MIA2: variants seen among roughly 807,000 people sequenced by gnomAD.
MIA2 encodes the protein melanoma inhibitory activity protein 2.
A neutral mutation model predicts 167.8 loss-of-function variants in MIA2; 127 were observed. That is an observed-to-expected ratio of 0.76 (90% CI 0.66 to 0.88). The LOEUF (loss-of-function observed/expected upper bound fraction) is 0.88. MIA2 is among the 40% of genes least tolerant of loss of function. MIA2 has a pLI of 0.00. For synonymous variants in MIA2, 552 were observed against 541.9 expected, an observed-to-expected ratio of 1.02 and a Z score of -0.26; for missense variants, 1,690 against 1,624.7, an observed-to-expected ratio of 1.04 and a Z score of -0.69.
In MIA2 at chr14:39,299,944, A is replaced by T; in HGVS notation, c.2577A>T (p.Val859=). 6.2e-7 allele frequency: 1 copy of T among 1,609,122 alleles called. No individual in the cohort carries two copies. ...KQKVTFEDSK[V]HAEQVLNDKE... is the part of the protein sequence containing the mutation. ...AAGTAACATTTGAAGACTCCAAAGTACATGCAGAACAAGTTCTAAATGATA... is the reference window on the plus strand; with the variant it reads ...AAGTAACATTTGAAGACTCCAAAGTTCATGCAGAACAAGTTCTAAATGATA... The change falls in exon 14 of 29, where the codon GTA becomes GTT. Residue 859 remains valine, a synonymous_variant. Coordinates refer to ENST00000640607, the MANE Select transcript of MIA2 (RefSeq NM_001329214.4).
intron 9 of MIA2, among the ~76,000 whole-genome samples, chr14:39,290,762 T>C (rs1394240545): frequency 6.6e-6 from 1 of 152,232 alleles, no homozygotes; most frequent in Middle Eastern, 3.2e-3. Context: ...TATAGTCCTA[T>C]GTTCTCTGAG....
rs35613060 is a variant in MIA2 at position 39,273,235 on chromosome 14, C to CT, written c.1888-3682dup. ...ATTGTTCCTGATCTTAGGAGAAAAG[C>CT]TTTTTTTTTTTTTTTTTCCTCATCT... On this transcript the variant is annotated intron_variant, in intron 6 of 28. Transcript: ENST00000640607. 2.4e-3 allele frequency among the ~76,000 whole-genome samples: 313 copies of CT among 132,106 alleles called. 1 individual carries two copies. Among genetic ancestry groups the CT allele is most frequent in the Non-Finnish European group, 3.1e-3 (189 of 61,584 alleles). 86.7% of individuals were successfully genotyped at this position (132,106 alleles called of 152,430 possible).
chr14:39,262,811 CTGTT>C (rs1251023648), intron 6 of MIA2, among the ~76,000 whole-genome samples: 46 of 152,174 alleles, frequency 3.0e-4, no homozygotes, highest in African/African-American at 1.0e-3. Context: ...ATTTGGCTCT[CTGTT>C]TGTCTGTTAT....
At chr14:39,346,561 A>G (rs2073293954) in intron 26 of MIA2, among the ~76,000 whole-genome samples, 2 of 152,050 alleles carry the variant, frequency 1.3e-5, no homozygotes, top group African/African-American at 2.4e-5. Context: ...CAGTGTATCA[A>G]CCAGAAGTAC....
chr14:39,267,367 G>T lies in MIA2; in HGVS notation c.1888-9567G>T, dbSNP rs1445123451. ...ACTCCGGTTGCCGGGTGCGGATTCGGGTTCCGGACCGAAGGCTGTGTGTTC... is the reference window on the plus strand; with the variant it reads ...ACTCCGGTTGCCGGGTGCGGATTCGTGTTCCGGACCGAAGGCTGTGTGTTC... On this transcript the variant is annotated intron_variant, in intron 6 of 28. Transcript: ENST00000640607. 2.5e-6 allele frequency: 4 copies of T among 1,591,206 alleles called. No homozygotes were observed. In the African/African-American group the frequency reaches 4.1e-5, roughly 16 times the overall value.
chr14:39,368,205 G>A (rs902205682), intron 23 of MIA2, among the ~76,000 whole-genome samples: 11 of 152,162 alleles, frequency 7.2e-5, no homozygotes, highest in African/African-American at 2.7e-4. Flanking sequence ...AGGGGCGAGA[G>A]AGCAAAATTA....
Position 39,247,382 on chromosome 14 carries a change from G to C in MIA2, c.808G>C (p.Gly270Arg). 1 of 1,614,054 alleles carries C rather than the reference G, an allele frequency of 6.2e-7. No individual in the cohort carries two copies. Among genetic ancestry groups the C allele is most frequent in the Non-Finnish European group, 8.5e-7 (1 of 1,180,002 alleles). The change falls in exon 4 of 29, where the codon GGT becomes CGT. Residue 270 changes from glycine to arginine, a missense_variant. Coordinates refer to ENST00000640607, the MANE Select transcript of MIA2 (RefSeq NM_001329214.4). ...DENDLEELNN[G>R]EPQTEHQQES... is the part of the protein sequence containing the mutation. ...GAATGACCTAGAGGAATTAAATAAT[G>C]GTGAGCCTCAAACAGAACATCAGCA...
rs150651623 is a variant in MIA2, at chr14:39,258,495, C to T, written c.1887+5324C>T. On this transcript the variant is annotated intron_variant, in intron 6 of 28. Transcript: ENST00000640607. ...GTTAGCAGTTCCTGTAACCTTTTAT[C>T]AAGGTTCTTGGCTTCCTTGCACTGG... 8.4e-3 allele frequency among the ~76,000 whole-genome samples: 1,277 copies of T among 152,266 alleles called. 20 individuals are homozygous for T. The highest frequency in any genetic ancestry group is 0.029 in the African/African-American group (1,217 of 41,542).
At chr14:39,258,138 T>G (rs2054907092) in intron 6 of MIA2, among the ~76,000 whole-genome samples, 1 of 152,210 alleles carries the variant, frequency 6.6e-6, no homozygotes, top group South Asian at 2.1e-4. Flanking sequence ...CCTGCCTTGC[T>G]AGGTTGGGGA....
intron 6 of MIA2, chr14:39,265,549 C>T (rs1411521449): frequency 2.9e-6 from 2 of 680,990 alleles, no homozygotes; most frequent in East Asian, 3.0e-5. Context: ...ATTTTATCCT[C>T]TGTCCTTAAT....
intron 25 of MIA2, among the ~76,000 whole-genome samples, chr14:39,334,207 G>A (rs1219556092): frequency 6.6e-6 from 1 of 152,178 alleles, no homozygotes; most frequent in African/African-American, 2.4e-5. Flanking sequence ...GGGTGTGGTG[G>A]CTCATGCCTG....
At position 39,308,552 on chromosome 14, in the gene MIA2, T is replaced by G. The variant is rs929140059; in HGVS notation, c.2982T>G (p.Thr994=). ...QKLQQKLKVM[T]ELYQENEMKL... Reference sequence around the variant, plus strand: ...TTCAACAGAAACTTAAAGTAATGACTGAATTATATCAAGAAAATGAAATGA... The same window carrying G: ...TTCAACAGAAACTTAAAGTAATGACGGAATTATATCAAGAAAATGAAATGA... The change falls in exon 18 of 29, where the codon ACT becomes ACG. Residue 994 remains threonine, a synonymous_variant. Coordinates refer to ENST00000640607, the MANE Select transcript of MIA2 (RefSeq NM_001329214.4). 2 of 1,567,944 alleles carry G rather than the reference T, an allele frequency of 1.3e-6. No homozygotes were observed. Among genetic ancestry groups the G allele is most frequent in the African/African-American group, 2.8e-5 (2 of 72,462 alleles).
intron 23 of MIA2, chr14:39,370,608 C>T (rs569946987): frequency 5.6e-6 from 2 of 358,488 alleles, no homozygotes; most frequent in South Asian, 4.7e-5. Flanking sequence ...TGAGGAAGTC[C>T]AGCACCTTGT....
intron 6 of MIA2, among the ~76,000 whole-genome samples, chr14:39,255,692 GA>G (rs1566605308): frequency 6.6e-6 from 1 of 152,124 alleles, no homozygotes; most frequent in Non-Finnish European, 1.5e-5. Flanking sequence ...CAAATTATAT[GA>G]ATGAAGTTAA....
downstream of MIA2, among the ~76,000 whole-genome samples, chr14:39,351,981 A>G (rs1278851106): frequency 1.4e-5 from 2 of 147,836 alleles, no homozygotes; most frequent in Non-Finnish European, 3.0e-5. Context: ...CTTAAACATC[A>G]AAGTCAAATG....
At chr14:39,321,822 G>A (rs1359046330) in intron 24 of MIA2, among the ~76,000 whole-genome samples, 4 of 149,864 alleles carry the variant, frequency 2.7e-5, no homozygotes, top group South Asian at 2.1e-4. Flanking sequence ...ATGCAGTGGC[G>A]CGATCTCGGC....
At chr14:39,319,579 G>A (rs1242342066) in intron 23 of MIA2, among the ~76,000 whole-genome samples, 1 of 151,944 alleles carries the variant, frequency 6.6e-6, no homozygotes. Flanking sequence ...TTGGCACATA[G>A]TAAGGTACTC....
At chr14:39,382,355 T>G (rs1035724221) in intron 23 of MIA2, among the ~76,000 whole-genome samples, 2 of 152,242 alleles carry the variant, frequency 1.3e-5, no homozygotes, top group African/African-American at 4.8e-5. Flanking sequence ...GGACCTCCAC[T>G]GAGCCCCTTC....
chr14:39,344,881 C>G (rs1471091470), intron 25 of MIA2, among the ~76,000 whole-genome samples: 1 of 151,936 alleles, frequency 6.6e-6, no homozygotes, highest in Non-Finnish European at 1.5e-5. Flanking sequence ...ATTATTAAAC[C>G]GCAATTACTT....
Sources: allele counts gnomAD v4.1 joint callset (sites outside exome capture counted in the v4.1 genomes callset), GRCh38; gene constraint gnomAD v4.1.1; transcripts MANE v1.5; gene names NCBI Gene and HGNC (gene_info 2026-07-23, HGNC 2026-07-21).